Variants in RALGAPB observed in about 807,000 individuals in gnomAD.
RALGAPB encodes Ral GTPase activating protein non-catalytic subunit beta, also known as ral GTPase-activating protein subunit beta.
Under a neutral mutation model 161.1 loss-of-function variants are expected in RALGAPB, and 25 were observed. The observed-to-expected ratio is 0.16, with a 90% CI of 0.11 to 0.22. The LOEUF (loss-of-function observed/expected upper bound fraction) is 0.22, where lower values mean the gene tolerates loss of function less well. Ranked by LOEUF, RALGAPB falls within the 10% of genes least tolerant of loss-of-function variation. The pLI, the probability that RALGAPB is intolerant of heterozygous loss-of-function variation, is 1.00. For missense variants in RALGAPB, 1,391 were observed against 1,815.2 expected (o/e 0.77, Z 4.25); for synonymous variants, 629 against 626.1 (o/e 1.00, Z -0.07).
rs200344112 is a variant in RALGAPB at position 38,517,948 on chromosome 20, A to G, written c.1365A>G (p.Ala455=). Residue 455 remains alanine (A), a synonymous_variant, in exon 9 of 30, where the codon GCA becomes GCG. Coordinates refer to ENST00000262879, the MANE Select transcript of RALGAPB (RefSeq NM_020336.4). ...NLFGSWLFDA[A]FVHCKLHNGI... ...TTGGATCATGGTTATTTGATGCAGCATTTGTTCACTGTAAACTTCATAATG... is the reference window on the plus strand; with the variant it reads ...TTGGATCATGGTTATTTGATGCAGCGTTTGTTCACTGTAAACTTCATAATG... 5 of 1,614,092 alleles carry G rather than the reference A, an allele frequency of 3.1e-6. No homozygotes were observed. In the African/African-American group the frequency reaches 5.3e-5, roughly 17 times the overall value.
intron 18 of RALGAPB, among the ~76,000 whole-genome samples, chr20:38,542,007 T>A (rs780232633): frequency 6.6e-6 from 1 of 151,948 alleles, no homozygotes; most frequent in African/African-American, 2.4e-5. Flanking sequence ...GCAGAGAAAG[T>A]TGAGAGAGTT....
chr20:38,570,066 G>A (rs1444509715), intron 27 of RALGAPB, 70 bp downstream of exon 27: 1 of 1,311,442 alleles, frequency 7.6e-7, no homozygotes, highest in African/African-American at 1.5e-5. Flanking sequence ...ATGTCTACAG[G>A]GAGTGGGCAC....
chr20:38,560,074 G>A (rs2087732837), intron 23 of RALGAPB, among the ~76,000 whole-genome samples: 1 of 151,886 alleles, frequency 6.6e-6, no homozygotes, highest in African/African-American at 2.4e-5. Context: ...TGATTTGTGA[G>A]CTCCTAGAAA....
rs140980426 is a variant in RALGAPB at position 38,536,145 on chromosome 20, C to T, written c.2379+938C>T. On this transcript the variant is annotated intron_variant, in intron 16 of 29. Transcript: ENST00000262879. ...CATGAAGCAGTTTTGCTTCAGTCTCCGCACCCCCTCCTCTGACAACCACCA... is the reference window on the plus strand; with the variant it reads ...CATGAAGCAGTTTTGCTTCAGTCTCTGCACCCCCTCCTCTGACAACCACCA... Among the ~76,000 whole-genome samples the T allele has an allele frequency of 1.6e-4, 25 of 152,264 alleles. No individual in the cohort carries two copies. The East Asian group carries it at 1.7e-3, about 11-fold the overall frequency.
chr20:38,562,783 C>T, intron 24 of RALGAPB, 86 bp downstream of exon 24: 1 of 1,412,008 alleles, frequency 7.1e-7, no homozygotes, highest in South Asian at 1.5e-5. Flanking sequence ...GATTTATAGT[C>T]TTGTTAAAAA....
intron 21 of RALGAPB, among the ~76,000 whole-genome samples, chr20:38,552,493 T>C (rs1247508528): frequency 6.6e-6 from 1 of 152,098 alleles, no homozygotes; most frequent in South Asian, 2.1e-4. Flanking sequence ...GATGTGAGGA[T>C]TATGAACATG....
rs372994133 is a variant in RALGAPB, at chr20:38,543,490, CTCA to C, written c.2714+2304_2714+2306del. Among the ~76,000 whole-genome samples, 17 of 152,298 alleles carry C rather than the reference CTCA, an allele frequency of 1.1e-4. No individual in the cohort carries two copies. The East Asian group carries it at 3.3e-3, about 29-fold the overall frequency. ...GTTCATTTTGTATTCTATTGCAAAA[CTCA>C]TCATCCTTAAGCACAATTTTGATCC... is the stretch of plus-strand genomic sequence containing the variant. On this transcript the variant is annotated intron_variant, in intron 18 of 29. Coordinates refer to ENST00000262879, the MANE Select transcript of RALGAPB (RefSeq NM_020336.4).
At chr20:38,559,647 T>G (rs2087718826) in intron 23 of RALGAPB, among the ~76,000 whole-genome samples, 1 of 152,064 alleles carries the variant, frequency 6.6e-6, no homozygotes, top group South Asian at 2.1e-4. Flanking sequence ...TGAGCCAAGA[T>G]TGCACCATTG....
intron 15 of RALGAPB, among the ~76,000 whole-genome samples, chr20:38,533,650 G>T (rs1267146252): frequency 2.0e-5 from 3 of 152,074 alleles, no homozygotes; most frequent in African/African-American, 7.3e-5. Context: ...TGTTTCTATG[G>T]TTTAAGTTTG....
At chr20:38,535,000 A>T in intron 15 of RALGAPB, 74 bp from the exon 16 acceptor site, 1 of 1,520,602 alleles carries the variant, frequency 6.6e-7, no homozygotes, top group Non-Finnish European at 9.1e-7. Context: ...TGCCTAGTGG[A>T]TGCTGTGCTT....
chr20:38,518,404 A>G (rs73905629), intron 9 of RALGAPB, among the ~76,000 whole-genome samples: 2,765 of 152,336 alleles, frequency 0.018, 81 homozygotes, highest in African/African-American at 0.062. Flanking sequence ...TCATTAGTAT[A>G]TGTAAACATC....
In RALGAPB at chr20:38,497,462, CTGT is replaced by C; in HGVS notation, c.504_506del (p.Leu168del). ...GGCCCGAGAAACTTGGGAAGTCTTA[CTGT>C]TGTTTCTTCTGCAGATTAACGACAT... On this transcript the variant is annotated inframe_deletion, in exon 4 of 30. Transcript: ENST00000262879. 6.2e-7 allele frequency: 1 copy of C among 1,614,138 alleles called. No individual in the cohort carries two copies. Among genetic ancestry groups the C allele is most frequent in the Non-Finnish European group, 8.5e-7 (1 of 1,179,998 alleles).
intron 5 of RALGAPB, among the ~76,000 whole-genome samples, chr20:38,504,022 A>C (rs2085675567): frequency 6.6e-6 from 1 of 152,244 alleles, no homozygotes; most frequent in Admixed American, 6.5e-5. Context: ...CTACAGATTC[A>C]ACACTATTCC....
At chr20:38,527,695 T>C (rs1244868775) in intron 13 of RALGAPB, among the ~76,000 whole-genome samples, 1 of 152,214 alleles carries the variant, frequency 6.6e-6, no homozygotes, top group East Asian at 1.9e-4. Flanking sequence ...TGTTTTGATA[T>C]GTGAGAACCT....
rs542046867 is a variant in RALGAPB at position 38,576,832 on chromosome 20, T to TA, written c.*1866dup. 155 of 152,774 alleles carry TA rather than the reference T, an allele frequency of 1.0e-3. No individual in the cohort carries two copies. Among genetic ancestry groups the TA allele is most frequent in the African/African-American group, 3.5e-3 (147 of 41,570 alleles). 9.5% of individuals were successfully genotyped at this position (152,774 alleles called of 1,614,324 possible). ...GAAGGCTATAAATTAATATGTAACT[T>TA]ACAGCATTCCAGAGGTTAAAAATAA... On this transcript the variant is annotated 3_prime_UTR_variant, in exon 30 of 30. Coordinates refer to ENST00000262879, the MANE Select transcript of RALGAPB (RefSeq NM_020336.4).
At chr20:38,505,748 AC>A (rs901612091) in intron 5 of RALGAPB, among the ~76,000 whole-genome samples, 2 of 152,180 alleles carry the variant, frequency 1.3e-5, no homozygotes, top group Admixed American at 6.5e-5. Flanking sequence ...AACCAAAAAA[AC>A]GTGCATGCCT....
At chr20:38,507,685 GTT>G (rs1249963590) in intron 5 of RALGAPB, among the ~76,000 whole-genome samples, 1 of 151,356 alleles carries the variant, frequency 6.6e-6, no homozygotes, top group Admixed American at 6.6e-5. Context: ...TGCCAGCGTT[GTT>G]TTTTTGTTTT....
chr20:38,551,184 T>C lies in RALGAPB; in HGVS notation c.3123T>C (p.Asp1041=), dbSNP rs1267295038. The change falls in exon 21 of 30, where the codon GAT becomes GAC. Residue 1041 remains aspartate, a synonymous_variant. Coordinates refer to ENST00000262879, the MANE Select transcript of RALGAPB (RefSeq NM_020336.4). ...EVDKIPFVKA[D]LSIPDLHEIV... ...ACAAGATTCCTTTTGTGAAAGCAGA[T>C]CTCAGCATTCCAGATTTGCATGAAA... The C allele has an allele frequency of 6.2e-7, 1 of 1,613,994 alleles. No individual in the cohort carries two copies. Among genetic ancestry groups the C allele is most frequent in the South Asian group, 1.1e-5 (1 of 91,070 alleles).
chr20:38,567,214 T>A lies in RALGAPB; in HGVS notation c.3936T>A (p.Asn1312Lys). ...AGCTTTTCCCCAATCATACAGACAA[T>A]CTTAATTCCTCACAGAGGGTAAGTT... ...TLELFPNHTD[N>K]LNSSQRLSPS... Residue 1312 changes from asparagine to lysine, a missense_variant, in exon 26 of 30, where the codon AAT becomes AAA. Transcript: ENST00000262879. 1 of 1,613,248 alleles carries A rather than the reference T, an allele frequency of 6.2e-7. No homozygotes were observed. The highest frequency in any genetic ancestry group is 1.1e-5 in the South Asian group (1 of 90,970).
Sources: allele counts gnomAD v4.1 joint callset (sites outside exome capture counted in the v4.1 genomes callset), GRCh38; gene constraint gnomAD v4.1.1; transcripts MANE v1.5; gene names NCBI Gene and HGNC (gene_info 2026-07-23, HGNC 2026-07-21).